Variants in PRH1 observed in about 807,000 individuals in gnomAD.
The protein encoded by PRH1 is proline rich protein HaeIII subfamily 1.
PRH1 carries 7 observed loss-of-function variants against 7.9 expected under a neutral mutation model. The observed-to-expected ratio is 0.89, with a 90% CI of 0.50 to 1.67. PRH1 has a LOEUF of 1.67. Among genes scored for constraint, PRH1 ranks in the 40% most tolerant of loss-of-function variants. The pLI is 0.00. For synonymous variants in PRH1, 45 were observed against 80.8 expected (o/e 0.56, Z 2.38); for missense variants, 109 against 223.6 (o/e 0.49, Z 3.27).
At chr12:11,131,032 C>T (rs906605117) in intron 1 of PRH1, among the ~76,000 whole-genome samples, 6 of 140,340 alleles carry the variant, frequency 4.3e-5, no homozygotes, top group African/African-American at 1.5e-4. Flanking sequence ...GACTTGAATG[C>T]ATCACCACAC....
At chr12:11,147,907 T>C (rs978790140) in intron 1 of PRH1, among the ~76,000 whole-genome samples, 1 of 151,482 alleles carries the variant, frequency 6.6e-6, no homozygotes, top group Non-Finnish European at 1.5e-5. Flanking sequence ...TATTGATTCT[T>C]CCTACCCATG....
chr12:11,163,200 G>GA (rs763408464), intron 1 of PRH1, among the ~76,000 whole-genome samples: 32 of 151,682 alleles, frequency 2.1e-4, no homozygotes, highest in Non-Finnish European at 3.8e-4. Flanking sequence ...ATTAAAAAAG[G>GA]AAAAAAAATT....
chr12:11,142,135 C>T (rs1236275044), intron 1 of PRH1, among the ~76,000 whole-genome samples: 1 of 152,072 alleles, frequency 6.6e-6, no homozygotes, highest in African/African-American at 2.4e-5. Flanking sequence ...TTAAGAAAGG[C>T]ATGACATCCG....
At chr12:11,016,378 G>C (rs1468212535) in intron 1 of PRH1, among the ~76,000 whole-genome samples, 2 of 152,230 alleles carry the variant, frequency 1.3e-5, no homozygotes, top group African/African-American at 4.8e-5. Flanking sequence ...ACTGGACACT[G>C]CATGCGGCCA....
upstream of PRH1, among the ~76,000 whole-genome samples, chr12:11,050,033 C>A (rs1943080457): frequency 6.6e-6 from 1 of 152,172 alleles, no homozygotes; most frequent in African/African-American, 2.4e-5. Context: ...TCAGGGTTGT[C>A]AGACAATGAA....
At chr12:11,035,566 A>G (rs1244184637) in intron 1 of PRH1, among the ~76,000 whole-genome samples, 1 of 152,240 alleles carries the variant, frequency 6.6e-6, no homozygotes, top group African/African-American at 2.4e-5. Flanking sequence ...AAGTTATTAA[A>G]AAAAGAGTTT....
At chr12:11,011,079 T>C (rs1331978021) in intron 1 of PRH1, among the ~76,000 whole-genome samples, 2 of 152,034 alleles carry the variant, frequency 1.3e-5, no homozygotes, top group Non-Finnish European at 2.9e-5. Context: ...AATGTTAAAA[T>C]GTAAAAGTAG....
chr12:10,998,616 C>G (rs955008982), intron 1 of PRH1, among the ~76,000 whole-genome samples: 3 of 152,208 alleles, frequency 2.0e-5, no homozygotes, highest in Middle Eastern at 3.4e-3. Flanking sequence ...AAATGAGTTT[C>G]CAGGAGCTCG....
At chr12:11,000,921 C>T (rs762872694) in intron 1 of PRH1, among the ~76,000 whole-genome samples, 3 of 152,052 alleles carry the variant, frequency 2.0e-5, no homozygotes, top group Admixed American at 1.3e-4. Flanking sequence ...TTCTATAAAT[C>T]ATTATCTATG....
chr12:11,062,278 G>A, intron 1 of PRH1: 1 of 1,611,624 alleles, frequency 6.2e-7, no homozygotes, highest in South Asian at 1.1e-5. Context: ...AAAAATGATG[G>A]GCAGAAAAGT....
At chr12:10,895,957 T>C (rs949673737) in intron 2 of PRH1, 4 of 152,256 alleles carry the variant, frequency 2.6e-5, no homozygotes, top group African/African-American at 9.6e-5. Context: ...TAGATTTATA[T>C]ATCCAAAGGA....
chr12:10,975,574 C>G (rs543592575), intron 1 of PRH1, among the ~76,000 whole-genome samples: 12 of 152,124 alleles, frequency 7.9e-5, no homozygotes, highest in Non-Finnish European at 1.8e-4. Context: ...CATATCAACA[C>G]TAACCTCGAA....
Position 11,171,312 on chromosome 12 carries a change from G to A in PRH1, n.39+110C>T, listed in dbSNP as rs1169948923. 4.2e-6 allele frequency: 5 copies of A among 1,198,378 alleles called. No individual in the cohort carries two copies. In the Admixed American group the frequency reaches 1.7e-4, roughly 41 times the overall value. The allele number at this position is 1,198,378 out of a possible 1,614,324, so 74.2% of individuals were successfully genotyped here. ...TCGCTAGGAGGTCCGCGGGCCCTGC[G>A]GCAACCCTCGCTACAGACGCTGGGC... On this transcript the variant is annotated intron_variant and non_coding_transcript_variant, in intron 1 of 1. Transcript: ENST00000541175.
intron 2 of PRH1, among the ~76,000 whole-genome samples, chr12:10,962,834 A>G (rs1315229729): frequency 1.3e-5 from 2 of 152,192 alleles, no homozygotes; most frequent in Non-Finnish European, 2.9e-5. Flanking sequence ...CAGTGGCGCG[A>G]TCTCGGCTCA....
intron 1 of PRH1, among the ~76,000 whole-genome samples, chr12:11,123,912 C>A (rs1230345161): frequency 1.3e-5 from 2 of 152,158 alleles, no homozygotes; most frequent in Non-Finnish European, 1.5e-5. Flanking sequence ...GGAAACTGAA[C>A]AAACTAATCT....
chr12:11,162,907 C>G (rs1947457197), intron 1 of PRH1, among the ~76,000 whole-genome samples: 1 of 152,058 alleles, frequency 6.6e-6, no homozygotes, highest in African/African-American at 2.4e-5. Flanking sequence ...TCAATAATTG[C>G]AGAGAGAAGG....
intron 2 of PRH1, among the ~76,000 whole-genome samples, chr12:10,954,723 C>A (rs887979071): frequency 2.0e-5 from 3 of 152,150 alleles, no homozygotes; most frequent in African/African-American, 7.2e-5. Flanking sequence ...GTGATCCACC[C>A]ACCTCAGCCT....
At position 10,884,247 on chromosome 12, in the gene PRH1, C is replaced by G. The variant is rs759140216; in HGVS notation, c.-30G>C. The stretch of plus-strand genomic sequence containing the variant: ...CAGGAGGCTCTGGTGTCACTCCCAA[C>G]TTTGTGCTGGGAGAAACGTGTCAGC... On this transcript the variant is annotated 5_prime_UTR_variant, in exon 1 of 4. Transcript: ENST00000543626. The G allele has an allele frequency of 1.2e-6, 2 of 1,614,144 alleles. No homozygotes were observed. Among genetic ancestry groups the G allele is most frequent in the East Asian group, 4.5e-5 (2 of 44,866 alleles).
chr12:10,985,904 T>C (rs957237468), intron 1 of PRH1: 3 of 1,497,304 alleles, frequency 2.0e-6, no homozygotes, highest in African/African-American at 2.8e-5. Flanking sequence ...TCTCCTAGAA[T>C]ACACACACAA....
Sources: gnomAD v4.1 joint callset for allele counts (sites outside exome capture counted in the v4.1 genomes callset) on GRCh38, gnomAD v4.1.1 for gene constraint, MANE v1.5 for transcripts, NCBI Gene and HGNC (gene_info 2026-07-23, HGNC 2026-07-21) for gene names.